Variants in STK36 observed in about 807,000 individuals in gnomAD.
The protein encoded by STK36 is serine/threonine-protein kinase 36.
In STK36, 116 loss-of-function variants were observed where a neutral mutation model predicts 142.2. The ratio of observed to expected loss-of-function variants is 0.82; its 90% CI spans 0.70 to 0.95. The LOEUF (loss-of-function observed/expected upper bound fraction) is 0.95, where lower values mean the gene tolerates loss of function less well. Ranked by LOEUF, STK36 falls within the 40% of genes least tolerant of loss-of-function variation. The pLI is 0.00. For synonymous variants in STK36, 619 were observed against 641.7 expected (o/e 0.96, Z 0.53); for missense variants, 1,422 against 1,617.2 (o/e 0.88, Z 2.07).
At chr2:218,693,480 A>G in intron 17 of STK36, 136 bp downstream of exon 17, 1 of 894,318 alleles carries the variant, frequency 1.1e-6, no homozygotes, top group Non-Finnish European at 1.7e-6. Context: ...CCCCCTTGGA[A>G]GACTCCTTTC....
intron 15 of STK36, 101 bp from the exon 16 acceptor site, chr2:218,692,482 C>CT (rs1941043414): frequency 6.6e-7 from 1 of 1,520,666 alleles, no homozygotes; most frequent in Non-Finnish European, 8.8e-7. Flanking sequence ...TTCCCACTCC[C>CT]TTAGGTTCCC....
chr2:218,700,295 C>G (rs1265000047), intron 26 of STK36, among the ~76,000 whole-genome samples: 1 of 152,170 alleles, frequency 6.6e-6, no homozygotes, highest in Non-Finnish European at 1.5e-5. Context: ...CCTCTGCCTC[C>G]AGGTTCAGCC....
intron 21 of STK36, among the ~76,000 whole-genome samples, chr2:218,696,175 T>C (rs1355051063): frequency 6.6e-6 from 1 of 152,156 alleles, no homozygotes; most frequent in African/African-American, 2.4e-5. Flanking sequence ...TCTTTATAAT[T>C]TATAAAACAT....
At chr2:218,679,516 T>A (rs1940406268) in intron 7 of STK36, 44 bp from the exon 8 acceptor site, 1 of 1,593,188 alleles carries the variant, frequency 6.3e-7, no homozygotes, top group African/African-American at 1.3e-5. Flanking sequence ...ACACAGGGAC[T>A]ATGGCCCCCA....
In STK36 at chr2:218,694,935, G is replaced by T. The variant is rs965050280; in HGVS notation, c.2511+300G>T. Among the ~76,000 whole-genome samples the T allele has an allele frequency of 6.6e-6, 1 of 152,126 alleles. No homozygotes were observed. The highest frequency in any genetic ancestry group is 1.5e-5 in the Non-Finnish European group (1 of 68,032). ...GTAGTGTGAGAACCCTGCCTGCTTC[G>T]TTCTCCTCCTCCAGAAGCTCATGCT... On this transcript the variant is annotated intron_variant, in intron 21 of 26. Transcript: ENST00000295709. The surrounding 1 kb of genome is among the most constrained non-coding windows in gnomAD (Gnocchi z 4.4).
chr2:218,697,349 G>T, intron 23 of STK36, 114 bp from the exon 24 acceptor site: 5 of 1,520,154 alleles, frequency 3.3e-6, no homozygotes, highest in Non-Finnish European at 4.4e-6. Flanking sequence ...CTGCACTAGA[G>T]CTGCTCTAAG....
At chr2:218,681,928 A>T (rs984208249) in intron 10 of STK36, among the ~76,000 whole-genome samples, 25 of 151,844 alleles carry the variant, frequency 1.6e-4, no homozygotes, top group Non-Finnish European at 3.1e-4. Context: ...CTTTTTATTT[A>T]TTTTTTTTAT....
chr2:218,692,938 G>T lies in STK36; in HGVS notation c.2043+228G>T, dbSNP rs78686214. Among the ~76,000 whole-genome samples, 3,989 of 152,304 alleles carry T rather than the reference G, an allele frequency of 0.026. 170 individuals carry two copies. Among genetic ancestry groups the T allele is most frequent in the African/African-American group, 0.091 (3,781 of 41,528 alleles). ...AGCACAGTGATAAACTGCCCAGATG[G>T]TGGGGCAGCTGATCTGAAGCCTCCA... On this transcript the variant is annotated intron_variant, in intron 16 of 26. Transcript: ENST00000295709.
Position 218,694,257 on chromosome 2 carries a change from A to T in STK36, c.2337-7A>T. 1 of 1,612,888 alleles carries T rather than the reference A, an allele frequency of 6.2e-7. No individual in the cohort carries two copies. The highest frequency in any genetic ancestry group is 8.5e-7 in the Non-Finnish European group (1 of 1,178,868). On this transcript the variant is annotated splice_polypyrimidine_tract_variant and splice_region_variant and intron_variant, in intron 19 of 26. Transcript: ENST00000295709. The surrounding 1 kb of genome is among the most constrained non-coding windows in gnomAD (Gnocchi z 4.4). Reference sequence around the variant, plus strand: ...GCTGCATCCCTTGATGTATCTCTTTATTCCAGAATGGAGAAGCTAGGCAGT... The same window carrying T: ...GCTGCATCCCTTGATGTATCTCTTTTTTCCAGAATGGAGAAGCTAGGCAGT...
chr2:218,692,408 A>G, intron 15 of STK36, 115 bp downstream of exon 15: 1 of 1,506,302 alleles, frequency 6.6e-7, no homozygotes, highest in Non-Finnish European at 8.9e-7. Context: ...TGCTCAATAA[A>G]TAACTGTGAA....
Position 218,696,834 on chromosome 2 carries a change from G to A in STK36, c.2587-205G>A, listed in dbSNP as rs1194096221. 3 of 923,030 alleles carry A rather than the reference G, an allele frequency of 3.3e-6. No homozygotes were observed. The East Asian group carries it at 7.2e-5, about 22-fold the overall frequency. 57.2% of individuals were successfully genotyped at this position (923,030 alleles called of 1,614,324 possible). On this transcript the variant is annotated intron_variant, in intron 22 of 26. Transcript: ENST00000295709. ...GATAAAATGAATTCCCTGGGTTTCA[G>A]CAGACATACACATGAGTTGTGAGGT... is the stretch of plus-strand genomic sequence containing the variant.
chr2:218,699,029 G>A lies in STK36; in HGVS notation c.3485G>A (p.Gly1162Glu). ...GLLSLLLLGLGDKDPVVRCSA... is the reference protein window; with the variant it reads ...GLLSLLLLGLEDKDPVVRCSA... ...CTCAGCCTTCTGCTGCTTGGGCTTG[G>A]AGACAAGGATCCTGTTGTGCGGTGC... The change falls in exon 26 of 27, where the codon GGA becomes GAA. Residue 1162 changes from glycine to glutamate, a missense_variant. By Grantham distance (98) the Gly-to-Glu change is moderately conservative (BLOSUM62 -2). Coordinates refer to ENST00000295709, the MANE Select transcript of STK36 (RefSeq NM_015690.5). 1 of 1,614,142 alleles carries A rather than the reference G, an allele frequency of 6.2e-7. No individual in the cohort carries two copies.
At chr2:218,687,508 C>A (rs1289045701) in intron 11 of STK36, among the ~76,000 whole-genome samples, 1 of 152,202 alleles carries the variant, frequency 6.6e-6, no homozygotes, top group East Asian at 1.9e-4. Flanking sequence ...GAAAAGAACT[C>A]TCCTTTCCTC....
intron 17 of STK36, 74 bp downstream of exon 17, chr2:218,693,418 C>A: frequency 7.1e-7 from 1 of 1,401,024 alleles, no homozygotes; most frequent in Non-Finnish European, 1.0e-6. Flanking sequence ...GAGAAACAGA[C>A]CAAGAGAGGA....
chr2:218,694,653 G>A lies in STK36; in HGVS notation c.2511+18G>A. On this transcript the variant is annotated intron_variant, in intron 21 of 26. Transcript: ENST00000295709. The surrounding 1 kb of genome is among the most constrained non-coding windows in gnomAD (Gnocchi z 4.4). ...CTGCAGAGGTGAGGCCCCCCAGGGA[G>A]GGCACAGACATGTTTTCTCTGAGTC... is the stretch of plus-strand genomic sequence containing the variant. 6.2e-7 allele frequency: 1 copy of A among 1,606,702 alleles called. No homozygotes were observed. The highest frequency in any genetic ancestry group is 1.3e-5 in the African/African-American group (1 of 74,930).
rs1295510703 is a variant in STK36, at chr2:218,685,239, G to T, written c.1380+11G>T. 5.0e-6 allele frequency: 8 copies of T among 1,614,012 alleles called. No homozygotes were observed. The highest frequency in any genetic ancestry group is 1.3e-5 in the African/African-American group (1 of 74,926). On this transcript the variant is annotated intron_variant, in intron 11 of 26. Coordinates refer to ENST00000295709, the MANE Select transcript of STK36 (RefSeq NM_015690.5). ...GAAGCTGGAGGGCAGGTAATGGGGA[G>T]AAAGACACTGTGGATGGGATCAAGA...
intron 6 of STK36, among the ~76,000 whole-genome samples, chr2:218,677,690 G>A (rs1490225954): frequency 6.6e-6 from 1 of 152,214 alleles, no homozygotes; most frequent in Non-Finnish European, 1.5e-5. Context: ...TGGTGGAGCT[G>A]GTTCAGTGAT....
rs947658760 is a variant in STK36, at chr2:218,692,498, C to T, written c.1916-85C>T. On this transcript the variant is annotated intron_variant, in intron 15 of 26. Transcript: ENST00000295709. ...TCCCACTCCCTTAGGTTCCCTACTC[C>T]TGCTGCCATGTCGGTGAGTACTGGT... 2.1e-4 allele frequency: 316 copies of T among 1,530,718 alleles called. 1 individual carries two copies. The highest frequency in any genetic ancestry group is 2.6e-4 in the Non-Finnish European group (301 of 1,143,918). The allele number at this position is 1,530,718 out of a possible 1,614,324, so 94.8% of individuals were successfully genotyped here.
chr2:218,682,406 C>T (rs1940565911), intron 10 of STK36, among the ~76,000 whole-genome samples: 1 of 152,142 alleles, frequency 6.6e-6, no homozygotes, highest in African/African-American at 2.4e-5. Context: ...AAACAAGATC[C>T]TTCACTTACA....
Sources: allele counts gnomAD v4.1 joint callset (sites outside exome capture counted in the v4.1 genomes callset), GRCh38; gene constraint gnomAD v4.1.1; non-coding constraint Gnocchi (gnomAD v3.1); transcripts MANE v1.5; gene names NCBI Gene and HGNC (gene_info 2026-07-23, HGNC 2026-07-21).